Variants in FHIP2A observed in about 807,000 individuals in gnomAD.
The protein encoded by FHIP2A is family with sequence similarity 160 member B1.
Under a neutral mutation model 93.5 loss-of-function variants are expected in FHIP2A, and 46 were observed. The ratio of observed to expected loss-of-function variants is 0.49; its 90% CI spans 0.39 to 0.63. The LOEUF is 0.63. Among genes scored for constraint, FHIP2A ranks in the 20% least tolerant of loss-of-function variants. FHIP2A has a pLI of 0.00. For missense variants in FHIP2A, 769 were observed against 909.7 expected, an observed-to-expected ratio of 0.85 and a Z score of 1.99; for synonymous variants, 332 against 326.5, an observed-to-expected ratio of 1.02 and a Z score of -0.18.
chr10:114,830,807 T>A (rs1343189311), intron 1 of FHIP2A, 45 bp from the exon 2 acceptor site: 57 of 1,360,932 alleles, frequency 4.2e-5, no homozygotes, highest in Non-Finnish European at 5.9e-5. Context: ...TATGGGAAAT[T>A]TTCAATGCCA....
Position 114,862,806 on chromosome 10 carries a change from T to G in FHIP2A, c.*1266T>G, listed in dbSNP as rs1322224997. 2.0e-6 allele frequency: 2 copies of G among 985,472 alleles called. No homozygotes were observed. Among genetic ancestry groups the G allele is most frequent in the East Asian group, 1.1e-4 (1 of 8,824 alleles). 61.0% of individuals were successfully genotyped at this position (985,472 alleles called of 1,614,324 possible). A position where few individuals can be genotyped will look rare whatever the true frequency, so the allele number is the denominator to read the frequency against. ...ATTTGACATGTTAAGCCGCAGCACT[T>G]TCTTCTTCATCTTTCCATTTACTGA... On this transcript the variant is annotated 3_prime_UTR_variant, in exon 17 of 17. Coordinates refer to ENST00000369248, the MANE Select transcript of FHIP2A (RefSeq NM_020940.4).
chr10:114,862,477 A>G lies in FHIP2A; in HGVS notation c.*937A>G. Reference sequence around the variant, plus strand: ...ACTGATAACCCTTGGCAGCAATCAAAGTGCCAGTGGCTCCTCGATGTTTAC... The same window carrying G: ...ACTGATAACCCTTGGCAGCAATCAAGGTGCCAGTGGCTCCTCGATGTTTAC... On this transcript the variant is annotated 3_prime_UTR_variant, in exon 17 of 17. Coordinates refer to ENST00000369248, the MANE Select transcript of FHIP2A (RefSeq NM_020940.4). The G allele has an allele frequency of 8.1e-6, 8 of 987,508 alleles. No homozygotes were observed. Among genetic ancestry groups the G allele is most frequent in the Non-Finnish European group, 9.6e-6 (8 of 830,052 alleles). The allele number at this position is 987,508 out of a possible 1,614,324, so 61.2% of individuals were successfully genotyped here.
At chr10:114,849,948 A>G (rs1210119031) in intron 13 of FHIP2A, among the ~76,000 whole-genome samples, 1 of 152,222 alleles carries the variant, frequency 6.6e-6, no homozygotes, top group Non-Finnish European at 1.5e-5. Flanking sequence ...TGAAGCATGC[A>G]TCAGTACTTC....
intron 16 of FHIP2A, among the ~76,000 whole-genome samples, chr10:114,890,521 G>A (rs915525710): frequency 1.9e-4 from 28 of 143,978 alleles, no homozygotes; most frequent in African/African-American, 5.5e-4. Flanking sequence ...TAAAATATAC[G>A]CTATATATGA....
At position 114,860,856 on chromosome 10, in the gene FHIP2A, T is replaced by C; in HGVS notation, c.2055T>C (p.Pro685=). Residue 685 remains proline, a synonymous_variant, in exon 15 of 17, where the codon CCT becomes CCC. Transcript: ENST00000369248. The part of the protein sequence containing the change: ...YLLDPYVNLA[P]GCRSLFSVIV... The stretch of plus-strand genomic sequence containing the variant: ...TGGATCCTTACGTGAACCTCGCTCC[T>C]GGCTGTAGATCTCTCTTCTCTGTAA... 1 of 1,613,782 alleles carries C rather than the reference T, an allele frequency of 6.2e-7. No individual in the cohort carries two copies.
Position 114,846,078 on chromosome 10 carries a change from A to G in FHIP2A, c.1194A>G (p.Gln398=), listed in dbSNP as rs993104702. 6.2e-7 allele frequency: 1 copy of G among 1,614,040 alleles called. No individual in the cohort carries two copies. The highest frequency in any genetic ancestry group is 1.1e-5 in the South Asian group (1 of 91,068). ...TTTTCATTGGTGTTATGGAACCTCA[A>G]TTAATGCAAACGTGAGTAGCCTGTT... ...ERFFIGVMEP[Q]LMQTSEMGIL... is the part of the protein sequence containing the mutation. Residue 398 remains glutamine (Q), a synonymous_variant, in exon 9 of 17, where the codon CAA becomes CAG. Transcript: ENST00000369248.
chr10:114,857,383 T>G (rs1037117176), intron 14 of FHIP2A, among the ~76,000 whole-genome samples: 40 of 148,656 alleles, frequency 2.7e-4, no homozygotes, highest in Non-Finnish European at 4.6e-4. Context: ...TGATCTTGGC[T>G]CATTGCAACC....
Position 114,846,702 on chromosome 10 carries a change from A to G in FHIP2A, c.1542A>G (p.Val514=), listed in dbSNP as rs772583800. 8 of 1,604,372 alleles carry G rather than the reference A, an allele frequency of 5.0e-6. No individual in the cohort carries two copies. The Admixed American group carries it at 7.0e-5, about 14-fold the overall frequency. ...KPLCPEDKDV[V]ENGLIAGAVD... is the part of the protein sequence containing the mutation. ...TGTGCCCAGAAGATAAAGATGTGGT[A>G]GAAAATGGATTGATAGCAGGAGCAG... The change falls in exon 11 of 17, where the codon GTA becomes GTG. Residue 514 remains valine (V), a synonymous_variant. Coordinates refer to ENST00000369248, the MANE Select transcript of FHIP2A (RefSeq NM_020940.4).
At chr10:114,843,719 G>T in intron 6 of FHIP2A, 22 bp from the exon 7 acceptor site, 1 of 1,478,424 alleles carries the variant, frequency 6.8e-7, no homozygotes, top group African/African-American at 1.4e-5. Flanking sequence ...AAGAATTGAA[G>T]GGGGATTTTT....
chr10:114,862,741 T>G lies in FHIP2A; in HGVS notation c.*1201T>G, dbSNP rs2083807699. On this transcript the variant is annotated 3_prime_UTR_variant, in exon 17 of 17. Transcript: ENST00000369248. Reference sequence around the variant, plus strand: ...TTTCTATTTTTCCTTTAAGTGATGCTGATCACTCAAATAATGCTTTTAAGC... The same window carrying G: ...TTTCTATTTTTCCTTTAAGTGATGCGGATCACTCAAATAATGCTTTTAAGC... 2 of 985,300 alleles carry G rather than the reference T, an allele frequency of 2.0e-6. No individual in the cohort carries two copies. Among genetic ancestry groups the G allele is most frequent in the African/African-American group, 1.7e-5 (1 of 57,362 alleles). 61.0% of individuals were successfully genotyped at this position (985,300 alleles called of 1,614,324 possible). A position where few individuals can be genotyped will look rare whatever the true frequency, so the allele number is the denominator to read the frequency against.
intron 1 of FHIP2A, among the ~76,000 whole-genome samples, chr10:114,827,107 T>C (rs2083581225): frequency 6.6e-6 from 1 of 152,228 alleles, no homozygotes; most frequent in African/African-American, 2.4e-5. Flanking sequence ...TAGATACTTT[T>C]GTGTGATGGG....
chr10:114,864,535 T>A lies in FHIP2A; in HGVS notation c.*2995T>A. ...TTTTTTGTATTGAAAGTTGTGTAGG[T>A]TACTGACAGTGTTACCAGCGTCTGG... On this transcript the variant is annotated 3_prime_UTR_variant, in exon 17 of 17. Transcript: ENST00000369248. The A allele has an allele frequency of 1.0e-6, 1 of 985,792 alleles. No individual in the cohort carries two copies. The highest frequency in any genetic ancestry group is 1.2e-6 in the Non-Finnish European group (1 of 829,910). The allele number at this position is 985,792 out of a possible 1,614,324, so 61.1% of individuals were successfully genotyped here.
intron 1 of FHIP2A, among the ~76,000 whole-genome samples, chr10:114,825,025 A>G (rs933206323): frequency 1.3e-5 from 2 of 151,992 alleles, no homozygotes; most frequent in Admixed American, 1.3e-4. Context: ...TTAATTAACT[A>G]TTTACTTATT....
intron 5 of FHIP2A, among the ~76,000 whole-genome samples, chr10:114,840,201 C>T (rs569684267): frequency 1.3e-5 from 2 of 152,226 alleles, no homozygotes; most frequent in African/African-American, 4.8e-5. Flanking sequence ...TCAGCCTGAG[C>T]AACATAGCAA....
chr10:114,864,811 G>A, downstream of FHIP2A: 1 of 418,718 alleles, frequency 2.4e-6, no homozygotes, highest in African/African-American at 2.2e-5. Context: ...AGCACACAAA[G>A]GGATATGGCA....
At chr10:114,881,845 G>T (rs2083918826) in intron 16 of FHIP2A, among the ~76,000 whole-genome samples, 1 of 152,184 alleles carries the variant, frequency 6.6e-6, no homozygotes, top group African/African-American at 2.4e-5. Context: ...AAGCAAACAT[G>T]ACCAGGTTTA....
intron 1 of FHIP2A, among the ~76,000 whole-genome samples, chr10:114,829,508 T>TA (rs1209131820): frequency 6.6e-5 from 10 of 152,278 alleles, no homozygotes; most frequent in African/African-American, 2.4e-4. Flanking sequence ...GCAGTAAAGA[T>TA]AACTGGAGGT....
intron 14 of FHIP2A, among the ~76,000 whole-genome samples, chr10:114,859,286 G>A (rs991988610): frequency 6.6e-6 from 1 of 151,982 alleles, no homozygotes; most frequent in African/African-American, 2.4e-5. Context: ...AGCGTCTGTA[G>A]CTGTGGTGAT....
Position 114,862,663 on chromosome 10 carries a change from G to C in FHIP2A, c.*1123G>C, listed in dbSNP as rs1279468095. Reference sequence around the variant, plus strand: ...GGAACCTGTAGTTCAGCAAAGCTGCGCTGGGCACAGCATGCTTGTACTTGA... The same window carrying C: ...GGAACCTGTAGTTCAGCAAAGCTGCCCTGGGCACAGCATGCTTGTACTTGA... On this transcript the variant is annotated 3_prime_UTR_variant, in exon 17 of 17. Coordinates refer to ENST00000369248, the MANE Select transcript of FHIP2A (RefSeq NM_020940.4). 5.1e-6 allele frequency: 5 copies of C among 985,566 alleles called. No homozygotes were observed. Among genetic ancestry groups the C allele is most frequent in the South Asian group, 4.7e-5 (1 of 21,296 alleles). 61.1% of individuals were successfully genotyped at this position (985,566 alleles called of 1,614,324 possible).
Sources: allele counts gnomAD v4.1 joint callset (sites outside exome capture counted in the v4.1 genomes callset), GRCh38; gene constraint gnomAD v4.1.1; transcripts MANE v1.5; gene names NCBI Gene and HGNC (gene_info 2026-07-23, HGNC 2026-07-21).